The following MASP1 variants were observed in gnomAD, a reference collection of about 807,000 sequenced individuals.
MASP1 encodes MBL associated serine protease 1.
MASP1 carries 59 observed loss-of-function variants against 77.1 expected under a neutral mutation model. The ratio of observed to expected loss-of-function variants is 0.77; its 90% CI spans 0.62 to 0.95. MASP1 has a LOEUF of 0.95. MASP1 is among the 40% of genes least tolerant of loss of function. MASP1 has a pLI of 0.00. For missense variants in MASP1, 885 were observed against 912.9 expected, an observed-to-expected ratio of 0.97 and a Z score of 0.39; for synonymous variants, 362 against 354.5, an observed-to-expected ratio of 1.02 and a Z score of -0.24.
At chr3:187,279,851 G>A (rs1236247019) in intron 2 of MASP1, among the ~76,000 whole-genome samples, 6 of 152,138 alleles carry the variant, frequency 3.9e-5, no homozygotes, top group African/African-American at 1.4e-4. Context: ...CTTATATACT[G>A]ACTGATAACC....
At chr3:187,229,873 C>A (rs754485637), downstream of MASP1, 1 of 1,614,044 alleles carries the variant, frequency 6.2e-7, no homozygotes, top group Non-Finnish European at 8.5e-7. Flanking sequence ...CATCAGCTTC[C>A]GGGAGAACTT....
intron 8 of MASP1, among the ~76,000 whole-genome samples, chr3:187,245,562 G>A (rs568286377): frequency 5.9e-5 from 9 of 152,190 alleles, no homozygotes; most frequent in African/African-American, 1.4e-4. Context: ...GTGGAGGGGC[G>A]TACTTTCTTC....
chr3:187,284,752 T>C (rs1348879071), intron 2 of MASP1, among the ~76,000 whole-genome samples: 1 of 152,182 alleles, frequency 6.6e-6, no homozygotes, highest in Non-Finnish European at 1.5e-5. Flanking sequence ...TGTACAACCT[T>C]GGGTGAGTTG....
intron 1 of MASP1, among the ~76,000 whole-genome samples, chr3:187,290,833 C>T (rs1718260567): frequency 6.6e-6 from 1 of 151,092 alleles, no homozygotes; most frequent in African/African-American, 2.4e-5. Context: ...ATAAAAATAA[C>T]TAGGGTGGTT....
At chr3:187,253,048 A>C (rs558166500) in intron 6 of MASP1, 120 bp downstream of exon 6, 1 of 1,340,386 alleles carries the variant, frequency 7.5e-7, no homozygotes, top group Admixed American at 1.7e-5. Flanking sequence ...CCAGCTGCTC[A>C]ACTGGGAGTC....
intron 8 of MASP1, among the ~76,000 whole-genome samples, chr3:187,245,950 C>T (rs932000591): frequency 2.0e-5 from 3 of 152,206 alleles, no homozygotes; most frequent in Admixed American, 6.5e-5. Context: ...AATCAGCTAA[C>T]CCTGGCACTC....
At chr3:187,249,249 A>G (rs937325766) in intron 8 of MASP1, among the ~76,000 whole-genome samples, 8 of 151,722 alleles carry the variant, frequency 5.3e-5, no homozygotes, top group Admixed American at 5.3e-4. Context: ...GTAGAGACTG[A>G]GTTTCACCAT....
chr3:187,220,284 T>A, intron 15 of MASP1: 1 of 1,611,122 alleles, frequency 6.2e-7, no homozygotes, highest in Non-Finnish European at 8.5e-7. Flanking sequence ...GAGACATAGA[T>A]GAAGATAAAA....
intron 10 of MASP1, among the ~76,000 whole-genome samples, chr3:187,237,604 C>T (rs990652291): frequency 6.6e-6 from 1 of 152,226 alleles, no homozygotes; most frequent in Non-Finnish European, 1.5e-5. Context: ...AACTTCGTTC[C>T]ACTGAGTTGC....
downstream of MASP1, chr3:187,229,877 A>G: frequency 6.2e-7 from 1 of 1,614,076 alleles, no homozygotes; most frequent in Non-Finnish European, 8.5e-7. Context: ...AGCTTCCGGG[A>G]GAACTTGGGG....
intron 8 of MASP1, among the ~76,000 whole-genome samples, 155 bp downstream of exon 8, chr3:187,250,096 C>T (rs1201257210): frequency 6.6e-6 from 1 of 152,192 alleles, no homozygotes; most frequent in Admixed American, 6.5e-5. Context: ...GGCACTGATA[C>T]TCTTTTTTTT....
intron 2 of MASP1, among the ~76,000 whole-genome samples, chr3:187,271,497 G>A (rs1716513911): frequency 6.6e-6 from 1 of 152,128 alleles, no homozygotes; most frequent in Non-Finnish European, 1.5e-5. Flanking sequence ...TAGCAATATG[G>A]AAATATTCTT....
chr3:187,255,592 C>T (rs1015216605), intron 5 of MASP1, among the ~76,000 whole-genome samples: 1 of 152,130 alleles, frequency 6.6e-6, no homozygotes, highest in Non-Finnish European at 1.5e-5. Flanking sequence ...AATAGAAAAC[C>T]GGTGGCCTAT....
chr3:187,241,734 A>G (rs1713658590), intron 9 of MASP1, 179 bp from the exon 10 acceptor site: 2 of 572,086 alleles, frequency 3.5e-6, no homozygotes, highest in African/African-American at 3.8e-5. Context: ...ATGAGGAAGA[A>G]TGTGGCAGGT....
exon 16 of MASP1, chr3:187,220,005 C>CATCGGAGG (rs1711937893): frequency 6.4e-7 from 1 of 1,554,312 alleles, no homozygotes; most frequent in Non-Finnish European, 8.8e-7. Flanking sequence ...TGGCTGCTTT[C>CATCGGAGG]ATCGGAGGAT....
chr3:187,267,880 A>G (rs1321681514), intron 2 of MASP1, among the ~76,000 whole-genome samples: 1 of 147,096 alleles, frequency 6.8e-6, no homozygotes, highest in African/African-American at 2.5e-5. Flanking sequence ...CCCATTTCCA[A>G]CTTTTACTTG....
At chr3:187,258,165 G>C (rs1193531551) in intron 4 of MASP1, among the ~76,000 whole-genome samples, 1 of 152,200 alleles carries the variant, frequency 6.6e-6, no homozygotes, top group Non-Finnish European at 1.5e-5. Context: ...TAAGTGATAT[G>C]AAAACAATTT....
chr3:187,275,325 G>T (rs1439251161), intron 2 of MASP1, among the ~76,000 whole-genome samples: 16 of 152,186 alleles, frequency 1.1e-4, no homozygotes, highest in Admixed American at 1.0e-3. Context: ...GAGTTTCAAG[G>T]ATTGTGAGCT....
intron 2 of MASP1, among the ~76,000 whole-genome samples, chr3:187,279,579 C>A (rs373238285): frequency 6.6e-6 from 1 of 152,208 alleles, no homozygotes; most frequent in African/African-American, 2.4e-5. Context: ...CATGCTTAAA[C>A]CCAAATTTAC....
Sources: allele counts gnomAD v4.1 joint callset (sites outside exome capture counted in the v4.1 genomes callset), GRCh38; gene constraint gnomAD v4.1.1; transcripts MANE v1.5; gene names NCBI Gene and HGNC (gene_info 2026-07-23, HGNC 2026-07-21).